The following CFAP299 variants were observed in gnomAD, a reference collection of about 807,000 sequenced individuals.
CFAP299 encodes cilia and flagella associated protein 299.
A neutral mutation model predicts 27.0 loss-of-function variants in CFAP299; 21 were observed. The ratio of observed to expected loss-of-function variants is 0.78; its 90% CI spans 0.55 to 1.12. The LOEUF (loss-of-function observed/expected upper bound fraction) is 1.12. Among genes scored for constraint, CFAP299 ranks in the 50% most tolerant of loss-of-function variants. CFAP299 has a pLI of 0.00. For synonymous variants in CFAP299, 104 were observed against 98.1 expected, an observed-to-expected ratio of 1.06 and a Z score of -0.36; for missense variants, 310 against 276.6, an observed-to-expected ratio of 1.12 and a Z score of -0.86.
intron 2 of CFAP299, among the ~76,000 whole-genome samples, chr4:80,397,167 T>C (rs545657311): frequency 9.7e-4 from 148 of 152,294 alleles, no homozygotes; most frequent in African/African-American, 3.2e-3. Flanking sequence ...TTTATTTGCG[T>C]AGAGGTGTTT....
intron 2 of CFAP299, among the ~76,000 whole-genome samples, chr4:80,578,616 A>G (rs1578625922): frequency 6.6e-6 from 1 of 152,166 alleles, no homozygotes; most frequent in South Asian, 2.1e-4. Flanking sequence ...CTAATTATAT[A>G]TTAATGATGT....
intron 2 of CFAP299, among the ~76,000 whole-genome samples, chr4:80,556,555 C>A (rs72863116): frequency 2.0e-5 from 3 of 151,878 alleles, no homozygotes; most frequent in African/African-American, 7.2e-5. Flanking sequence ...ACAGTACTTC[C>A]TGTATAATTC....
intron 2 of CFAP299, among the ~76,000 whole-genome samples, chr4:80,436,160 G>A (rs1728061723): frequency 6.6e-6 from 1 of 152,138 alleles, no homozygotes; most frequent in South Asian, 2.1e-4. Flanking sequence ...TCACAGTGAT[G>A]TAGCACCTGA....
chr4:80,588,947 A>G (rs375205269), intron 3 of CFAP299, among the ~76,000 whole-genome samples: 1 of 152,180 alleles, frequency 6.6e-6, no homozygotes, highest in East Asian at 1.9e-4. Flanking sequence ...CCAGGTTTAT[A>G]TAACTGGTTA....
intron 3 of CFAP299, among the ~76,000 whole-genome samples, chr4:80,637,475 C>T (rs1031394439): frequency 2.0e-5 from 3 of 152,064 alleles, no homozygotes; most frequent in African/African-American, 2.4e-5. Flanking sequence ...CAGTTGCTAT[C>T]GGTGGAACCT....
chr4:80,890,957 A>G (rs1476238483), intron 4 of CFAP299, among the ~76,000 whole-genome samples: 2 of 151,498 alleles, frequency 1.3e-5, no homozygotes, highest in African/African-American at 4.9e-5. Context: ...GATTCTGGAT[A>G]TTAGCCCTTT....
At chr4:80,715,477 T>C (rs1027024069) in intron 3 of CFAP299, among the ~76,000 whole-genome samples, 1 of 152,082 alleles carries the variant, frequency 6.6e-6, no homozygotes, top group Non-Finnish European at 1.5e-5. Context: ...CATTTTTTTC[T>C]TGTTTCTGAT....
chr4:80,883,739 T>A (rs28389780), intron 4 of CFAP299, among the ~76,000 whole-genome samples: 8,898 of 152,238 alleles, frequency 0.058, 349 homozygotes, highest in East Asian at 0.16. Flanking sequence ...TATAATTTTT[T>A]AAAATATGCA....
At chr4:80,678,972 G>A (rs1719651725) in intron 3 of CFAP299, among the ~76,000 whole-genome samples, 1 of 151,876 alleles carries the variant, frequency 6.6e-6, no homozygotes, top group Non-Finnish European at 1.5e-5. Context: ...TTCTGTGTTT[G>A]TATGAATTTT....
chr4:80,940,945 T>C (rs1737163883), intron 4 of CFAP299, among the ~76,000 whole-genome samples: 1 of 152,280 alleles, frequency 6.6e-6, no homozygotes, highest in South Asian at 2.1e-4. Context: ...AATGATCATC[T>C]AGATAATTCA....
At chr4:80,556,350 G>A (rs561114617) in intron 2 of CFAP299, among the ~76,000 whole-genome samples, 4 of 152,022 alleles carry the variant, frequency 2.6e-5, no homozygotes, top group African/African-American at 9.7e-5. Context: ...TCTTAAGACA[G>A]CTATGAAGAC....
intron 2 of CFAP299, among the ~76,000 whole-genome samples, chr4:80,484,134 C>T (rs917818006): frequency 5.3e-5 from 8 of 152,118 alleles, no homozygotes; most frequent in African/African-American, 1.2e-4. Context: ...GGTGAAATAA[C>T]GAGTGAGGCA....
intron 2 of CFAP299, among the ~76,000 whole-genome samples, chr4:80,528,332 CAA>C (rs1004893143): frequency 1.3e-5 from 2 of 152,022 alleles, no homozygotes; most frequent in African/African-American, 4.8e-5. Context: ...AAAAAAAAGG[CAA>C]AGTTTTTTCC....
At chr4:80,452,538 C>A (rs1475895145) in intron 2 of CFAP299, among the ~76,000 whole-genome samples, 1 of 152,046 alleles carries the variant, frequency 6.6e-6, no homozygotes, top group East Asian at 1.9e-4. Flanking sequence ...TAAAGACTTA[C>A]AAAATAGTCT....
At chr4:80,520,296 A>G (rs946462856) in intron 2 of CFAP299, among the ~76,000 whole-genome samples, 4 of 152,200 alleles carry the variant, frequency 2.6e-5, no homozygotes, top group African/African-American at 7.2e-5. Flanking sequence ...AAGCATCAAA[A>G]TATTGACTGT....
chr4:80,739,592 C>A (rs548585961), intron 3 of CFAP299, among the ~76,000 whole-genome samples: 4 of 151,758 alleles, frequency 2.6e-5, no homozygotes, highest in Admixed American at 2.0e-4. Context: ...TGTTTCTTTT[C>A]TCTTGCTAAT....
At chr4:80,783,680 A>AT (rs750916692) in intron 3 of CFAP299, among the ~76,000 whole-genome samples, 11 of 152,156 alleles carry the variant, frequency 7.2e-5, no homozygotes, top group Admixed American at 7.2e-4. Context: ...ATATTATGGC[A>AT]TTTTGAACAA....
chr4:80,427,172 A>G (rs946109291), intron 2 of CFAP299, among the ~76,000 whole-genome samples: 3 of 152,180 alleles, frequency 2.0e-5, no homozygotes, highest in African/African-American at 7.2e-5. Context: ...ACAACTCTGA[A>G]AAGTTGTATA....
At position 80,873,164 on chromosome 4, in the gene CFAP299, A is replaced by G. The variant is rs375298171; in HGVS notation, c.476+3029A>G. On this transcript the variant is annotated intron_variant, in intron 4 of 5. Transcript: ENST00000358105. Reference sequence around the variant, plus strand: ...TTAGGCAGTTGTTATTAGGGGAAAAAGTCCCTTAGGTGTATGAAGTTCCAT... The same window carrying G: ...TTAGGCAGTTGTTATTAGGGGAAAAGGTCCCTTAGGTGTATGAAGTTCCAT... 1,235 of 263,992 alleles carry G rather than the reference A, an allele frequency of 4.7e-3. 2 individuals carry two copies. The highest frequency in any genetic ancestry group is 0.016 in the Middle Eastern group (8 of 510). 16.4% of individuals were successfully genotyped at this position (263,992 alleles called of 1,614,324 possible).
Sources: gnomAD v4.1 joint callset for allele counts (sites outside exome capture counted in the v4.1 genomes callset) on GRCh38, gnomAD v4.1.1 for gene constraint, MANE v1.5 for transcripts, NCBI Gene and HGNC (gene_info 2026-07-23, HGNC 2026-07-21) for gene names.